R3HDM2: variants seen among roughly 807,000 people sequenced by gnomAD.
R3HDM2 encodes R3H domain containing 2, also known as R3H domain-containing protein 2.
R3HDM2 carries 38 observed loss-of-function variants against 124.5 expected under a neutral mutation model. The observed-to-expected ratio is 0.31, with a 90% CI of 0.24 to 0.40. R3HDM2 has a LOEUF of 0.40. Among genes scored for constraint, R3HDM2 ranks in the 10% least tolerant of loss-of-function variants. The probability of loss-of-function intolerance (pLI) is 1.00; values close to 1 mark genes in which losing one functional copy is unlikely to be tolerated. For synonymous variants in R3HDM2, 391 were observed against 448.0 expected (o/e 0.87, Z 1.61); for missense variants, 869 against 1,236.9 (o/e 0.70, Z 4.46).
chr12:57,272,377 TCA>T, intron 14 of R3HDM2: 1 of 1,270,926 alleles, frequency 7.9e-7, no homozygotes, highest in Non-Finnish European at 1.1e-6. Context: ...TACAAGGCCA[TCA>T]CAGACTGACC....
chr12:57,427,121 T>C (rs2070814803), intron 1 of R3HDM2, among the ~76,000 whole-genome samples: 1 of 151,892 alleles, frequency 6.6e-6, no homozygotes, highest in South Asian at 2.1e-4. Context: ...TGAAACACCA[T>C]CTCTACTAAA....
At chr12:57,319,676 G>T (rs2055976027) in intron 2 of R3HDM2, among the ~76,000 whole-genome samples, 1 of 152,096 alleles carries the variant, frequency 6.6e-6, no homozygotes, top group African/African-American at 2.4e-5. Context: ...ATGGCTTTAA[G>T]TCTCCTTACC....
At chr12:57,427,706 G>A (rs1192845688) in intron 1 of R3HDM2, among the ~76,000 whole-genome samples, 2 of 151,956 alleles carry the variant, frequency 1.3e-5, no homozygotes, top group South Asian at 2.1e-4. Context: ...GTTGATAAGG[G>A]TTAAGGCAGA....
At chr12:57,306,019 T>C (rs2052501631) in intron 3 of R3HDM2, among the ~76,000 whole-genome samples, 1 of 152,176 alleles carries the variant, frequency 6.6e-6, no homozygotes, top group South Asian at 2.1e-4. Flanking sequence ...GAAGGATAAA[T>C]AGGCTTTAGA....
intron 18 of R3HDM2, among the ~76,000 whole-genome samples, chr12:57,267,097 G>A (rs548415590): frequency 4.6e-5 from 7 of 152,034 alleles, no homozygotes; most frequent in Non-Finnish European, 1.0e-4. Context: ...CCCAACACTG[G>A]AAACACCAGA....
chr12:57,372,181 C>A (rs2063470078), intron 2 of R3HDM2, among the ~76,000 whole-genome samples: 1 of 152,074 alleles, frequency 6.6e-6, no homozygotes, highest in Non-Finnish European at 1.5e-5. Flanking sequence ...GTGGCCTGTT[C>A]TTATATTATC....
chr12:57,338,394 ACTG>A (rs2059138853), intron 2 of R3HDM2, among the ~76,000 whole-genome samples: 1 of 152,204 alleles, frequency 6.6e-6, no homozygotes, highest in Non-Finnish European at 1.5e-5. Flanking sequence ...CTCAGAGATA[ACTG>A]CTATTAACAA....
chr12:57,381,750 G>A (rs2138326477), intron 2 of R3HDM2, among the ~76,000 whole-genome samples: 1 of 152,106 alleles, frequency 6.6e-6, no homozygotes, highest in East Asian at 1.9e-4. Flanking sequence ...AGAATTAGGT[G>A]GGCAGGCTGA....
intron 13 of R3HDM2, among the ~76,000 whole-genome samples, chr12:57,280,969 A>C (rs991746182): frequency 3.4e-4 from 51 of 152,042 alleles, no homozygotes; most frequent in African/African-American, 1.0e-3. Context: ...CTTTCTTCTC[A>C]ATTTGCAACA....
intron 2 of R3HDM2, among the ~76,000 whole-genome samples, chr12:57,359,789 C>T (rs1220823820): frequency 1.3e-5 from 2 of 151,698 alleles, no homozygotes; most frequent in Non-Finnish European, 2.9e-5. Context: ...TCTTATGATT[C>T]AATTTTATCT....
At chr12:57,258,784 C>T in intron 20 of R3HDM2, 106 bp downstream of exon 20, 1 of 1,099,552 alleles carries the variant, frequency 9.1e-7, no homozygotes, top group East Asian at 2.8e-5. Flanking sequence ...CAGAAAGTAC[C>T]CAGGAAAAGA....
At chr12:57,425,085 C>A (rs1307711061) in intron 1 of R3HDM2, among the ~76,000 whole-genome samples, 18 of 152,152 alleles carry the variant, frequency 1.2e-4, no homozygotes. Context: ...CCAGCCTGAC[C>A]AACATGGAGA....
intron 15 of R3HDM2, 72 bp downstream of exon 15, chr12:57,269,680 G>T (rs1439456155): frequency 1.1e-5 from 18 of 1,592,476 alleles, no homozygotes; most frequent in Non-Finnish European, 1.5e-5. Context: ...TGTCTAAACT[G>T]GAGGAATAAA....
At chr12:57,347,159 T>A in intron 2 of R3HDM2, among the ~76,000 whole-genome samples, 1 of 151,926 alleles carries the variant, frequency 6.6e-6, no homozygotes, top group East Asian at 1.9e-4. Flanking sequence ...GGAGGGAGGA[T>A]CACTTGAGTC....
Position 57,367,527 on chromosome 12 carries a change from G to A in R3HDM2, c.-36+28222C>T, listed in dbSNP as rs80196327. Among the ~76,000 whole-genome samples, 460 of 152,202 alleles carry A rather than the reference G, an allele frequency of 3.0e-3. 3 individuals are homozygous for A. Among genetic ancestry groups the A allele is most frequent in the African/African-American group, 0.011 (441 of 41,524 alleles). Reference sequence around the variant, plus strand: ...ACAATTCCAGCTGCCTTGGCTTCTCGATTCCTACCTCTGTCTCCTCAATTC... The same window carrying A: ...ACAATTCCAGCTGCCTTGGCTTCTCAATTCCTACCTCTGTCTCCTCAATTC... On this transcript the variant is annotated intron_variant, in intron 2 of 23. Coordinates refer to ENST00000402412, the MANE Select transcript of R3HDM2 (RefSeq NM_001394031.1).
At chr12:57,386,149 G>GGCAGCGCTC (rs546943926) in intron 2 of R3HDM2, among the ~76,000 whole-genome samples, 27 of 117,412 alleles carry the variant, frequency 2.3e-4, no homozygotes, top group Admixed American at 3.7e-4. Flanking sequence ...ACAGCGTGCT[G>GGCAGCGCTC]GCAGCGCTCG....
chr12:57,392,484 A>C (rs1319625980), intron 2 of R3HDM2, among the ~76,000 whole-genome samples: 1 of 152,130 alleles, frequency 6.6e-6, no homozygotes, highest in Non-Finnish European at 1.5e-5. Flanking sequence ...TTCAGGGGGT[A>C]ATGTTCACTC....
At chr12:57,397,331 A>G (rs148579571) in intron 1 of R3HDM2, among the ~76,000 whole-genome samples, 29 of 152,266 alleles carry the variant, frequency 1.9e-4, no homozygotes, top group African/African-American at 6.5e-4. Flanking sequence ...AACCCTTAAT[A>G]TGCCCAAGTC....
intron 2 of R3HDM2, among the ~76,000 whole-genome samples, chr12:57,365,885 G>C (rs911728667): frequency 6.6e-6 from 1 of 150,758 alleles, no homozygotes; most frequent in African/African-American, 2.4e-5. Flanking sequence ...GCAGTGAGTG[G>C]AGACTGCAAC....
Sources: gnomAD v4.1 joint callset for allele counts (sites outside exome capture counted in the v4.1 genomes callset) on GRCh38, gnomAD v4.1.1 for gene constraint, MANE v1.5 for transcripts, NCBI Gene and HGNC (gene_info 2026-07-23, HGNC 2026-07-21) for gene names.